CEACAM21: variants seen among roughly 807,000 people sequenced by gnomAD.
CEACAM21 encodes the protein CEA cell adhesion molecule 21.
In CEACAM21, 38 loss-of-function variants were observed where a neutral mutation model predicts 33.2. The observed-to-expected ratio is 1.14, with a 90% CI of 0.88 to 1.50. The LOEUF (loss-of-function observed/expected upper bound fraction) is 1.50, where lower values mean the gene tolerates loss of function less well. CEACAM21 is among the 40% of genes most tolerant of loss of function. CEACAM21 has a pLI of 0.00. For missense variants in CEACAM21, 385 were observed against 364.6 expected (o/e 1.06, Z -0.46); for synonymous variants, 156 against 143.0 (o/e 1.09, Z -0.65).
intron 4 of CEACAM21, 120 bp downstream of exon 4, chr19:41,584,563 C>A (rs1283261921): frequency 3.5e-6 from 3 of 858,466 alleles, no homozygotes; most frequent in Non-Finnish European, 5.6e-6. Flanking sequence ...CCCCAGGGAT[C>A]CTTCCCTCTC....
At chr19:41,578,313 T>C (rs1167566889) in intron 2 of CEACAM21, among the ~76,000 whole-genome samples, 1 of 152,006 alleles carries the variant, frequency 6.6e-6, no homozygotes, top group African/African-American at 2.4e-5. Context: ...CTTTTTTTTT[T>C]TTTTTGGAGT....
At chr19:41,577,667 T>C (rs1485167445) in intron 2 of CEACAM21, 108 bp downstream of exon 2, 7 of 1,520,842 alleles carry the variant, frequency 4.6e-6, no homozygotes, top group Non-Finnish European at 6.2e-6. Flanking sequence ...TTACGTCCCA[T>C]GTTGGGGTTT....
upstream of CEACAM21, chr19:41,576,150 T>C (rs2042925296): frequency 3.4e-6 from 4 of 1,163,392 alleles, no homozygotes; most frequent in Middle Eastern, 4.3e-4. Flanking sequence ...TGCTCCTGCC[T>C]GAGAGGAAGC....
At chr19:41,566,236 C>T (rs2095305194) in intron 2 of CEACAM21, among the ~76,000 whole-genome samples, 1 of 152,176 alleles carries the variant, frequency 6.6e-6, no homozygotes, top group African/African-American at 2.4e-5. Context: ...GCCAAGCACA[C>T]ATTACAGAAT....
chr19:41,576,797 TG>T (rs1418132251), intron 1 of CEACAM21, among the ~76,000 whole-genome samples: 7 of 151,756 alleles, frequency 4.6e-5, no homozygotes, highest in South Asian at 2.1e-4. Context: ...CACAATCTCA[TG>T]GGGGGGAAGA....
At chr19:41,559,581 A>G (rs2041746376) in intron 1 of CEACAM21, among the ~76,000 whole-genome samples, 1 of 152,196 alleles carries the variant, frequency 6.6e-6, no homozygotes, top group South Asian at 2.1e-4. Flanking sequence ...AATAGTTAAT[A>G]TGTATGAAAA....
chr19:41,577,666 A>C, intron 2 of CEACAM21, 107 bp downstream of exon 2: 1 of 1,527,684 alleles, frequency 6.5e-7, no homozygotes, highest in South Asian at 1.2e-5. Context: ...ATTACGTCCC[A>C]TGTTGGGGTT....
chr19:41,563,109 T>C (rs1555787312), intron 1 of CEACAM21, among the ~76,000 whole-genome samples: 2 of 152,124 alleles, frequency 1.3e-5, no homozygotes, highest in Non-Finnish European at 2.9e-5. Flanking sequence ...TTGAAAATAA[T>C]AACAGTAAGA....
At chr19:41,585,537 G>A (rs1459846401) in intron 5 of CEACAM21, 42 bp downstream of exon 5, 1 of 1,606,532 alleles carries the variant, frequency 6.2e-7, no homozygotes, top group African/African-American at 1.3e-5. Flanking sequence ...GAACTACTAA[G>A]CCAGCCCCAA....
At chr19:41,582,778 C>T (rs1423202605) in intron 3 of CEACAM21, among the ~76,000 whole-genome samples, 1 of 152,176 alleles carries the variant, frequency 6.6e-6, no homozygotes, top group Non-Finnish European at 1.5e-5. Context: ...GGGCCTGGCC[C>T]AGGAAACATT....
chr19:41,576,187 G>C lies in CEACAM21; in HGVS notation c.-88G>C, dbSNP rs1375898613. 28 of 1,486,572 alleles carry C rather than the reference G, an allele frequency of 1.9e-5. No homozygotes were observed. Among genetic ancestry groups the C allele is most frequent in the Non-Finnish European group, 2.5e-5 (27 of 1,070,584 alleles). 92.1% of individuals were successfully genotyped at this position (1,486,572 alleles called of 1,614,324 possible). On this transcript the variant is annotated 5_prime_UTR_variant, in exon 1 of 7. Transcript: ENST00000401445. The stretch of plus-strand genomic sequence containing the variant: ...CAGCATAGAGGAAGGAAGGACAGCA[G>C]AGACAACAGTCACAGTAACCCTGTC...
intron 3 of CEACAM21, among the ~76,000 whole-genome samples, 161 bp downstream of exon 3, chr19:41,579,789 C>T (rs1423208629): frequency 2.0e-5 from 3 of 152,148 alleles, no homozygotes; most frequent in Non-Finnish European, 2.9e-5. Flanking sequence ...AGTTATCATC[C>T]TGGTTACAAT....
At chr19:41,557,916 G>T (rs1555785917) in intron 1 of CEACAM21, among the ~76,000 whole-genome samples, 1 of 152,210 alleles carries the variant, frequency 6.6e-6, no homozygotes, top group African/African-American at 2.4e-5. Context: ...CAGGGTGGAT[G>T]AGATATTGGT....
chr19:41,567,961 C>T (rs976925969), intron 2 of CEACAM21, among the ~76,000 whole-genome samples: 5 of 151,184 alleles, frequency 3.3e-5, no homozygotes, highest in Non-Finnish European at 5.9e-5. Flanking sequence ...GGATTGGCTT[C>T]CTTCTTCCTT....
intron 2 of CEACAM21, among the ~76,000 whole-genome samples, chr19:41,566,244 A>G (rs11882144): frequency 0.22 from 33,483 of 152,164 alleles, 4,028 homozygotes; most frequent in African/African-American, 0.32. Context: ...CACATTACAG[A>G]ATACGTTACT....
intron 1 of CEACAM21, among the ~76,000 whole-genome samples, chr19:41,553,217 G>A (rs2041330479): frequency 6.6e-6 from 1 of 151,910 alleles, no homozygotes; most frequent in South Asian, 2.1e-4. Flanking sequence ...CCGCTTCCCT[G>A]CCTCAGCCCC....
chr19:41,554,019 G>A lies in CEACAM21; in HGVS notation c.-779+4467G>A, dbSNP rs141572987. 2.2e-4 allele frequency among the ~76,000 whole-genome samples: 34 copies of A among 152,070 alleles called. No homozygotes were observed. The East Asian group carries it at 5.2e-3, about 23-fold the overall frequency. ...TCATAGGAGTATATTTTGATTAATCGTTAAAAGCTGTCAATAGCTCAAAAG... is the reference window on the plus strand; with the variant it reads ...TCATAGGAGTATATTTTGATTAATCATTAAAAGCTGTCAATAGCTCAAAAG... On this transcript the variant is annotated intron_variant, in intron 1 of 7. Transcript: ENST00000407170.
rs2042928771 is a variant in CEACAM21, at chr19:41,576,195, A to T, written c.-80A>T. ...AGGAAGGAAGGACAGCAGAGACAACAGTCACAGTAACCCTGTCTAGAGCGT... is the reference window on the plus strand; with the variant it reads ...AGGAAGGAAGGACAGCAGAGACAACTGTCACAGTAACCCTGTCTAGAGCGT... On this transcript the variant is annotated 5_prime_UTR_variant, in exon 1 of 7. Transcript: ENST00000401445. 1 of 1,519,648 alleles carries T rather than the reference A, an allele frequency of 6.6e-7. No homozygotes were observed. The allele number at this position is 1,519,648 out of a possible 1,614,324, so 94.1% of individuals were successfully genotyped here.
intron 3 of CEACAM21, among the ~76,000 whole-genome samples, chr19:41,580,481 C>T (rs1409321682): frequency 6.6e-6 from 1 of 152,200 alleles, no homozygotes; most frequent in African/African-American, 2.4e-5. Context: ...GCCTCCAGAG[C>T]TTCTTATGAC....
Sources: gnomAD v4.1 joint callset for allele counts (sites outside exome capture counted in the v4.1 genomes callset) on GRCh38, gnomAD v4.1.1 for gene constraint, MANE v1.5 for transcripts, NCBI Gene and HGNC (gene_info 2026-07-23, HGNC 2026-07-21) for gene names.